Variants in FLNB observed in about 807,000 individuals in gnomAD.
FLNB encodes filamin-B.
Under a neutral mutation model 250.6 loss-of-function variants are expected in FLNB, and 111 were observed. The observed-to-expected ratio is 0.44, with a 90% CI of 0.38 to 0.52. The LOEUF is 0.52. Ranked by LOEUF, FLNB falls within the 20% of genes least tolerant of loss-of-function variation. The pLI is 0.00. For missense variants in FLNB, 2,869 were observed against 3,447.8 expected (o/e 0.83, Z 4.20); for synonymous variants, 1,302 against 1,372.1 (o/e 0.95, Z 1.13).
chr3:58,108,396 T>C (rs1282431335), intron 12 of FLNB, 62 bp from the exon 13 acceptor site: 1 of 1,061,850 alleles, frequency 9.4e-7, no homozygotes, highest in African/African-American at 1.6e-5. Context: ...TTACCTGTCT[T>C]TGTATAAGGG....
intron 42 of FLNB, among the ~76,000 whole-genome samples, chr3:58,160,161 G>T (rs1174266646): frequency 6.6e-6 from 1 of 151,970 alleles, no homozygotes; most frequent in Admixed American, 6.6e-5. Flanking sequence ...CTTTCATATT[G>T]TAACAACATC....
intron 7 of FLNB, 31 bp downstream of exon 7, chr3:58,098,008 T>A: frequency 6.2e-7 from 1 of 1,612,218 alleles, no homozygotes; most frequent in Non-Finnish European, 8.5e-7. Flanking sequence ...GGATCTGACC[T>A]TTGCGCTTTC....
At chr3:58,057,751 C>T (rs60476502) in intron 1 of FLNB, among the ~76,000 whole-genome samples, 1 of 151,980 alleles carries the variant, frequency 6.6e-6, no homozygotes, top group Non-Finnish European at 1.5e-5. Context: ...ACATTATAGT[C>T]GATGGAATCT....
chr3:58,149,005 T>C (rs907665048), intron 36 of FLNB, among the ~76,000 whole-genome samples, 153 bp downstream of exon 36: 4 of 152,208 alleles, frequency 2.6e-5, no homozygotes, highest in Non-Finnish European at 4.4e-5. Context: ...TTATGCCTCA[T>C]GACCATTGGC....
At position 58,169,910 on chromosome 3, in the gene FLNB, G is replaced by A. The variant is rs1471606639; in HGVS notation, c.7621+117G>A. ...GTGCCCACCCCCATGTAGGCCAGCC[G>A]TTTGCAAGTAACCATCGTCATGACC... On this transcript the variant is annotated intron_variant, in intron 45 of 45. Coordinates refer to ENST00000295956, the MANE Select transcript of FLNB (RefSeq NM_001457.4). The surrounding 1 kb of genome is among the most constrained non-coding windows in gnomAD (Gnocchi z 4.8). 9 of 693,576 alleles carry A rather than the reference G, an allele frequency of 1.3e-5. No homozygotes were observed. Among genetic ancestry groups the A allele is most frequent in the East Asian group, 8.1e-5 (3 of 36,902 alleles). The allele number at this position is 693,576 out of a possible 1,614,324, so 43.0% of individuals were successfully genotyped here.
chr3:58,042,199 G>A (rs2097146971), intron 1 of FLNB, among the ~76,000 whole-genome samples: 1 of 152,260 alleles, frequency 6.6e-6, no homozygotes, highest in East Asian at 1.9e-4. Context: ...AATTGGCCTG[G>A]AAATGTGGCT....
chr3:58,142,715 G>A lies in FLNB; in HGVS notation c.5247G>A (p.Leu1749=), dbSNP rs1443449960. ...GCCTGGGATTTAAGCCTTTTGACCT[G>A]GTCATTCCGTTTGCTGTCAGGAAAG... ...MNGLGFKPFD[L]VIPFAVRKGE... Residue 1749 remains leucine (L), a synonymous_variant, in exon 31 of 46, where the codon CTG becomes CTA. Transcript: ENST00000295956. This position sits in a 1 kb window ranked among gnomAD's most constrained non-coding sequence, Gnocchi z 4.3. The A allele has an allele frequency of 1.2e-6, 2 of 1,614,208 alleles. No individual in the cohort carries two copies. Among genetic ancestry groups the A allele is most frequent in the South Asian group, 2.2e-5 (2 of 91,076 alleles).
chr3:58,112,077 C>T, intron 17 of FLNB, 72 bp from the exon 18 acceptor site: 1 of 1,459,694 alleles, frequency 6.9e-7, no homozygotes, highest in Non-Finnish European at 9.6e-7. Context: ...GCTGTTGAAC[C>T]TGTCTGACGG....
chr3:58,052,936 T>C (rs2097164760), intron 1 of FLNB, among the ~76,000 whole-genome samples: 2 of 152,212 alleles, frequency 1.3e-5, no homozygotes, highest in African/African-American at 4.8e-5. Flanking sequence ...CCATTTTGTG[T>C]GTACATGGGG....
intron 21 of FLNB, 75 bp from the exon 22 acceptor site, chr3:58,124,257 A>C: frequency 6.6e-7 from 1 of 1,509,530 alleles, no homozygotes; most frequent in African/African-American, 1.4e-5. Context: ...CTGAAGTGCC[A>C]AGAACCTTGG....
Position 58,169,883 on chromosome 3 carries a change from C to T in FLNB, c.7621+90C>T. On this transcript the variant is annotated intron_variant, in intron 45 of 45. Transcript: ENST00000295956. This position sits in a 1 kb window ranked among gnomAD's most constrained non-coding sequence, Gnocchi z 4.8. ...TGGCCTTCCCTGCTGAGGTCTCCTG[C>T]AGTGCCCACCCCCATGTAGGCCAGC... The T allele has an allele frequency of 3.0e-6, 3 of 988,212 alleles. No homozygotes were observed. Among genetic ancestry groups the T allele is most frequent in the Middle Eastern group, 3.2e-4 (1 of 3,152 alleles). 61.2% of individuals were successfully genotyped at this position (988,212 alleles called of 1,614,324 possible). A position where few individuals can be genotyped will look rare whatever the true frequency, so the allele number is the denominator to read the frequency against.
At chr3:58,114,707 G>GTTTT (rs568292098) in intron 18 of FLNB, among the ~76,000 whole-genome samples, 5 of 138,854 alleles carry the variant, frequency 3.6e-5, no homozygotes, top group Admixed American at 7.1e-5. Flanking sequence ...TTTTTTTTCT[G>GTTTT]TTTTTTTTTT....
chr3:58,016,954 A>T (rs185580172), intron 1 of FLNB, among the ~76,000 whole-genome samples: 4 of 152,354 alleles, frequency 2.6e-5, no homozygotes, highest in Admixed American at 2.6e-4. Flanking sequence ...TTAAACGGGC[A>T]CAGTAATCCC....
At chr3:58,045,262 C>G (rs1438847870) in intron 1 of FLNB, among the ~76,000 whole-genome samples, 1 of 152,168 alleles carries the variant, frequency 6.6e-6, no homozygotes, top group African/African-American at 2.4e-5. Flanking sequence ...AAAATCCTCA[C>G]CATGATCAGT....
At chr3:58,117,383 A>G (rs1351191183) in intron 18 of FLNB, among the ~76,000 whole-genome samples, 1 of 151,892 alleles carries the variant, frequency 6.6e-6, no homozygotes, top group Non-Finnish European at 1.5e-5. Context: ...CTTTTATGGG[A>G]TGGGTGGGCT....
At chr3:58,109,476 C>T in intron 14 of FLNB, 100 bp from the exon 15 acceptor site, 1 of 1,606,070 alleles carries the variant, frequency 6.2e-7, no homozygotes, top group Non-Finnish European at 8.5e-7. Context: ...CAGAGTGCTC[C>T]AGCCTGCTCA....
intron 1 of FLNB, among the ~76,000 whole-genome samples, chr3:58,047,790 T>C (rs2097156315): frequency 6.6e-6 from 1 of 152,004 alleles, no homozygotes; most frequent in Non-Finnish European, 1.5e-5. Flanking sequence ...TCGTGAACTA[T>C]TGACCTCAAG....
At chr3:58,059,100 ATTG>A (rs144734692) in intron 1 of FLNB, among the ~76,000 whole-genome samples, 161 of 152,304 alleles carry the variant, frequency 1.1e-3, no homozygotes, top group Non-Finnish European at 1.7e-3. Flanking sequence ...CAGTTAAAAA[ATTG>A]TTTAGTCTAG....
chr3:58,073,162 T>TATTTATTTATTTA (rs1320484223), intron 1 of FLNB, among the ~76,000 whole-genome samples: 1 of 150,858 alleles, frequency 6.6e-6, no homozygotes, highest in Non-Finnish European at 1.5e-5. Flanking sequence ...TTTATTTATT[T>TATTTATTTATTTA]ATTTATTTAT....
Sources: allele counts gnomAD v4.1 joint callset (sites outside exome capture counted in the v4.1 genomes callset), GRCh38; gene constraint gnomAD v4.1.1; non-coding constraint Gnocchi (gnomAD v3.1); transcripts MANE v1.5; gene names NCBI Gene and HGNC (gene_info 2026-07-23, HGNC 2026-07-21).